Variants in DLG5 observed in about 807,000 individuals in gnomAD.
DLG5 encodes the protein discs large MAGUK scaffold protein 5.
In DLG5, 48 loss-of-function variants were observed where a neutral mutation model predicts 189.8. That is an observed-to-expected ratio of 0.25 (90% CI 0.20 to 0.32). The LOEUF (loss-of-function observed/expected upper bound fraction) is 0.32, where lower values mean the gene tolerates loss of function less well. Ranked by LOEUF, DLG5 falls within the 10% of genes least tolerant of loss-of-function variation. DLG5 has a pLI of 1.00. For missense variants in DLG5, 2,160 were observed against 2,544.7 expected, an observed-to-expected ratio of 0.85 and a Z score of 3.25; for synonymous variants, 1,016 against 1,054.1, an observed-to-expected ratio of 0.96 and a Z score of 0.70.
At chr10:77,839,128 C>T (rs546308272) in intron 7 of DLG5, among the ~76,000 whole-genome samples, 2 of 152,326 alleles carry the variant, frequency 1.3e-5, no homozygotes, top group East Asian at 3.9e-4. Context: ...ACGCCAGCAC[C>T]ACAGGGAACT....
At chr10:77,907,170 T>C (rs1317767958) in intron 1 of DLG5, among the ~76,000 whole-genome samples, 1 of 152,160 alleles carries the variant, frequency 6.6e-6, no homozygotes, top group East Asian at 1.9e-4. Flanking sequence ...GACCACACCC[T>C]GAGTTGGGGG....
At chr10:77,899,263 A>G (rs1043694680) in intron 1 of DLG5, among the ~76,000 whole-genome samples, 1 of 152,164 alleles carries the variant, frequency 6.6e-6, no homozygotes, top group Admixed American at 6.6e-5. Context: ...ACCACAGACC[A>G]ACACACCCTG....
At chr10:77,871,231 G>A (rs546170905) in intron 1 of DLG5, among the ~76,000 whole-genome samples, 1 of 152,138 alleles carries the variant, frequency 6.6e-6, no homozygotes, top group Non-Finnish European at 1.5e-5. Context: ...GCTGGAGAAA[G>A]CTGCATCTCT....
intron 1 of DLG5, among the ~76,000 whole-genome samples, chr10:77,891,681 C>A (rs570527630): frequency 6.6e-6 from 1 of 152,130 alleles, no homozygotes; most frequent in Non-Finnish European, 1.5e-5. Context: ...CCCCGCTACA[C>A]ATCACTCCCA....
At chr10:77,876,618 C>T (rs1196437660) in intron 1 of DLG5, among the ~76,000 whole-genome samples, 2 of 148,162 alleles carry the variant, frequency 1.3e-5, no homozygotes, top group Non-Finnish European at 3.0e-5. Context: ...AGGTGATCCA[C>T]CCCAAAATGC....
intron 7 of DLG5, among the ~76,000 whole-genome samples, chr10:77,836,796 G>A (rs141919111): frequency 2.6e-4 from 39 of 152,106 alleles, no homozygotes; most frequent in African/African-American, 8.9e-4. Flanking sequence ...CAGACCTCAC[G>A]GTTTCTGGGG....
chr10:77,880,962 CTTTTTTT>C (rs61636782), intron 1 of DLG5, among the ~76,000 whole-genome samples: 9 of 73,238 alleles, frequency 1.2e-4, no homozygotes, highest in Non-Finnish European at 7.1e-5. Context: ...AACCCTAGAC[CTTTTTTT>C]TTTTTTTTTT....
At chr10:77,809,309 G>A (rs1018375964) in intron 24 of DLG5, among the ~76,000 whole-genome samples, 8 of 152,138 alleles carry the variant, frequency 5.3e-5, no homozygotes, top group Non-Finnish European at 1.5e-5. Flanking sequence ...GGAAGGCTGA[G>A]GCAGGAGAAT....
chr10:77,855,472 T>C (rs949778519), intron 3 of DLG5, among the ~76,000 whole-genome samples: 4 of 152,260 alleles, frequency 2.6e-5, no homozygotes, highest in African/African-American at 7.2e-5. Flanking sequence ...GTAAATACTT[T>C]AGGCTTTGCA....
chr10:77,843,417 G>GC (rs769567834), intron 6 of DLG5, 30 bp downstream of exon 6: 4 of 1,607,498 alleles, frequency 2.5e-6, no homozygotes. Flanking sequence ...GGACCCATTT[G>GC]CCCCCGGCCC....
the DLG5 span, among the ~76,000 whole-genome samples, chr10:77,932,918 TAGTG>T: frequency 6.6e-6 from 1 of 152,128 alleles, no homozygotes; most frequent in African/African-American, 2.4e-5. Flanking sequence ...CAGGGTAACA[TAGTG>T]AGACTCTGCC....
chr10:77,870,737 T>G (rs1844863326), intron 1 of DLG5, among the ~76,000 whole-genome samples: 1 of 151,262 alleles, frequency 6.6e-6, no homozygotes, highest in African/African-American at 2.4e-5. Flanking sequence ...CTAGCCACCC[T>G]ACACGCATCT....
intron 1 of DLG5, among the ~76,000 whole-genome samples, chr10:77,909,261 A>G (rs1437861000): frequency 6.6e-6 from 1 of 152,180 alleles, no homozygotes; most frequent in Non-Finnish European, 1.5e-5. Context: ...AGGTTACAGA[A>G]AACCAAATAC....
intron 29 of DLG5, 31 bp from the exon 30 acceptor site, chr10:77,794,989 C>A (rs138820743): frequency 7.5e-6 from 12 of 1,593,214 alleles, no homozygotes; most frequent in South Asian, 3.3e-5. Flanking sequence ...TGAGCCCTGG[C>A]GGGCAGTGAG....
intron 27 of DLG5, among the ~76,000 whole-genome samples, chr10:77,802,586 T>C (rs547718260): frequency 2.8e-4 from 42 of 152,334 alleles, no homozygotes; most frequent in Non-Finnish European, 4.6e-4. Context: ...ATCTGTAGAA[T>C]TAAAATGAGA....
At chr10:77,794,160 C>G (rs1251591273) in intron 30 of DLG5, 43 bp from the exon 31 acceptor site, 9 of 1,556,726 alleles carry the variant, frequency 5.8e-6, no homozygotes, top group African/African-American at 1.4e-5. Context: ...TGAGCCTCCT[C>G]CAGGCCCTCT....
At chr10:77,794,380 C>A (rs1425075291) in intron 30 of DLG5, among the ~76,000 whole-genome samples, 1 of 152,244 alleles carries the variant, frequency 6.6e-6, no homozygotes, top group Non-Finnish European at 1.5e-5. Context: ...AGCTCAGCAG[C>A]ACAGAAAGGC....
rs113268227 is a variant in DLG5 at position 77,821,776 on chromosome 10, C to T, written c.2708G>A (p.Arg903His). 6.8e-6 allele frequency: 11 copies of T among 1,610,088 alleles called. No homozygotes were observed. The highest frequency in any genetic ancestry group is 2.7e-5 in the African/African-American group (2 of 74,994). The change falls in exon 15 of 32, where the codon CGT becomes CAT. Residue 903 changes from arginine (R) to histidine (H), a missense_variant. This residue lies in a region of DLG5 where 754 missense variants were observed against 746.5 expected (regional missense o/e 1.01). Transcript: ENST00000372391. ...SSFRSDASGDRGFGLVDVRGR... is the reference protein window; with the variant it reads ...SSFRSDASGDHGFGLVDVRGR... ...ACGCACGTCCACCAGCCCAAAGCCACGGTCCCCAGAGGCATCTGAGCGGAA... is the reference window on the plus strand; with the variant it reads ...ACGCACGTCCACCAGCCCAAAGCCATGGTCCCCAGAGGCATCTGAGCGGAA...
intron 1 of DLG5, among the ~76,000 whole-genome samples, chr10:77,915,427 C>T (rs1304981542): frequency 1.3e-5 from 2 of 152,158 alleles, no homozygotes; most frequent in African/African-American, 4.8e-5. Context: ...GCTCCAGTTT[C>T]ACACATTAAT....
Sources: gnomAD v4.1 joint callset for allele counts (sites outside exome capture counted in the v4.1 genomes callset) on GRCh38, gnomAD v4.1.1 for gene constraint, gnomAD v4.1.1 regional missense constraint, MANE v1.5 for transcripts, NCBI Gene and HGNC (gene_info 2026-07-23, HGNC 2026-07-21) for gene names.